Variants in C8orf34 observed in about 807,000 individuals in gnomAD.
C8orf34 encodes the protein chromosome 8 open reading frame 34.
In C8orf34, 65 loss-of-function variants were observed where a neutral mutation model predicts 68.3. That is an observed-to-expected ratio of 0.95 (90% CI 0.78 to 1.17). The LOEUF (loss-of-function observed/expected upper bound fraction) is 1.17, where lower values mean the gene tolerates loss of function less well. Among genes scored for constraint, C8orf34 ranks in the 50% most tolerant of loss-of-function variants. The pLI, the probability that C8orf34 is intolerant of heterozygous loss-of-function variation, is 0.00. For missense variants in C8orf34, 664 were observed against 655.4 expected, an observed-to-expected ratio of 1.01 and a Z score of -0.14; for synonymous variants, 244 against 241.2, an observed-to-expected ratio of 1.01 and a Z score of -0.11.
At chr8:68,512,379 T>C (rs1261083342) in intron 5 of C8orf34, among the ~76,000 whole-genome samples, 1 of 152,212 alleles carries the variant, frequency 6.6e-6, no homozygotes, top group African/African-American at 2.4e-5. Flanking sequence ...ATAATCCTGT[T>C]TACCTTTCTT....
At chr8:68,811,958 T>A (rs1033896788) in intron 12 of C8orf34, among the ~76,000 whole-genome samples, 5 of 152,184 alleles carry the variant, frequency 3.3e-5, no homozygotes, top group African/African-American at 1.2e-4. Context: ...AAAAGCTAAA[T>A]AATCCTTTCA....
chr8:68,471,049 T>C (rs1009667382), intron 4 of C8orf34, among the ~76,000 whole-genome samples: 10 of 152,008 alleles, frequency 6.6e-5, no homozygotes, highest in African/African-American at 2.4e-4. Flanking sequence ...GTAGAAGAGA[T>C]ACAGGTATAG....
At chr8:68,633,872 G>GT (rs11325092) in intron 7 of C8orf34, among the ~76,000 whole-genome samples, 58 of 148,712 alleles carry the variant, frequency 3.9e-4, no homozygotes, top group East Asian at 1.2e-3. Flanking sequence ...CCTTGTAGGA[G>GT]TTTTTTTTTT....
At chr8:68,454,132 G>A (rs1811454359) in intron 3 of C8orf34, among the ~76,000 whole-genome samples, 1 of 151,990 alleles carries the variant, frequency 6.6e-6, no homozygotes, top group Admixed American at 6.6e-5. Flanking sequence ...TGGTCGTGAT[G>A]TATAATCCTT....
At chr8:68,469,138 C>T (rs973997748) in intron 4 of C8orf34, among the ~76,000 whole-genome samples, 9 of 151,996 alleles carry the variant, frequency 5.9e-5, no homozygotes, top group African/African-American at 2.2e-4. Context: ...TGGAAACATA[C>T]TGTTTTGCAT....
intron 5 of C8orf34, among the ~76,000 whole-genome samples, chr8:68,510,428 G>C (rs1425106571): frequency 6.6e-6 from 1 of 152,170 alleles, no homozygotes; most frequent in East Asian, 1.9e-4. Flanking sequence ...CTCAGAACTA[G>C]AATATTAACC....
At chr8:68,359,638 A>G (rs1241709733) in intron 1 of C8orf34, among the ~76,000 whole-genome samples, 1 of 152,168 alleles carries the variant, frequency 6.6e-6, no homozygotes, top group Non-Finnish European at 1.5e-5. Flanking sequence ...CTGTCACTCT[A>G]TACCCACCCC....
chr8:68,754,213 A>G (rs538148978), intron 10 of C8orf34, among the ~76,000 whole-genome samples: 2 of 152,350 alleles, frequency 1.3e-5, no homozygotes, highest in African/African-American at 4.8e-5. Context: ...AAACTAATAA[A>G]TCAGACTGTA....
chr8:68,818,032 T>C (rs1217040714), intron 13 of C8orf34, among the ~76,000 whole-genome samples: 1 of 152,176 alleles, frequency 6.6e-6, no homozygotes, highest in East Asian at 1.9e-4. Flanking sequence ...TATCACCATC[T>C]AATGTGATTA....
intron 11 of C8orf34, among the ~76,000 whole-genome samples, chr8:68,783,639 C>T (rs567639572): frequency 6.6e-6 from 1 of 152,008 alleles, no homozygotes; most frequent in South Asian, 2.1e-4. Context: ...ATCTGGAAGT[C>T]CCTCCCTACT....
At chr8:68,392,481 G>A (rs1808516781) in intron 1 of C8orf34, among the ~76,000 whole-genome samples, 1 of 151,768 alleles carries the variant, frequency 6.6e-6, no homozygotes, top group East Asian at 1.9e-4. Context: ...AATGTTTACT[G>A]GATTATTCTT....
chr8:68,361,063 T>C (rs1806974062), intron 1 of C8orf34, among the ~76,000 whole-genome samples: 1 of 152,120 alleles, frequency 6.6e-6, no homozygotes, highest in Admixed American at 6.6e-5. Context: ...CCTCCCCTTT[T>C]TTCTATAATG....
At chr8:68,487,086 G>A (rs890669727) in intron 4 of C8orf34, among the ~76,000 whole-genome samples, 8 of 152,180 alleles carry the variant, frequency 5.3e-5, no homozygotes, top group African/African-American at 9.7e-5. Flanking sequence ...ATAATGGAAT[G>A]CCCACAAGAA....
intron 5 of C8orf34, among the ~76,000 whole-genome samples, chr8:68,519,767 T>C (rs1281528062): frequency 6.6e-6 from 1 of 152,196 alleles, no homozygotes; most frequent in Non-Finnish European, 1.5e-5. Context: ...AACTATGTTA[T>C]TTACTAATTC....
chr8:68,818,125 C>A, intron 13 of C8orf34, 114 bp from the exon 14 acceptor site: 1 of 1,022,244 alleles, frequency 9.8e-7, no homozygotes, highest in South Asian at 1.4e-5. Flanking sequence ...AATATCCTTT[C>A]AAAAGTTCAT....
intron 2 of C8orf34, 131 bp from the exon 3 acceptor site, chr8:68,446,198 G>A (rs1811114743): frequency 1.0e-5 from 7 of 677,538 alleles, no homozygotes; most frequent in African/African-American, 3.6e-5. Flanking sequence ...ATACCTTTGC[G>A]TGGGTACATT....
At chr8:68,491,660 T>G (rs1454382031) in intron 5 of C8orf34, among the ~76,000 whole-genome samples, 1 of 152,230 alleles carries the variant, frequency 6.6e-6, no homozygotes, top group Non-Finnish European at 1.5e-5. Context: ...TCTCAAGATC[T>G]TTAATCTTAA....
In C8orf34 at chr8:68,383,534, C is replaced by T. The variant is rs528803791; in HGVS notation, c.327+52195C>T. Among the ~76,000 whole-genome samples, 5 of 152,294 alleles carry T rather than the reference C, an allele frequency of 3.3e-5. No homozygotes were observed. The South Asian group carries it at 1.0e-3, about 32-fold the overall frequency. ...AAGGTCCCTGCTGGGAGAAAGTATACTCGGGTCTAGAATGTTTCTCTAAGG... is the reference window on the plus strand; with the variant it reads ...AAGGTCCCTGCTGGGAGAAAGTATATTCGGGTCTAGAATGTTTCTCTAAGG... On this transcript the variant is annotated intron_variant, in intron 1 of 13. Coordinates refer to ENST00000518698, the MANE Select transcript of C8orf34 (RefSeq NM_052958.4).
chr8:68,726,691 G>A (rs1042597029), intron 10 of C8orf34, among the ~76,000 whole-genome samples: 6 of 152,242 alleles, frequency 3.9e-5, no homozygotes, highest in Admixed American at 1.3e-4. Flanking sequence ...GGAGAGCTCC[G>A]AATCATGGTG....
Sources: allele counts gnomAD v4.1 joint callset (sites outside exome capture counted in the v4.1 genomes callset), GRCh38; gene constraint gnomAD v4.1.1; transcripts MANE v1.5; gene names NCBI Gene and HGNC (gene_info 2026-07-23, HGNC 2026-07-21).